Variants in TTC7B observed in about 807,000 individuals in gnomAD.
TTC7B encodes tetratricopeptide repeat protein 7B.
In TTC7B, 28 loss-of-function variants were observed where a neutral mutation model predicts 106.8. That is an observed-to-expected ratio of 0.26 (90% confidence interval 0.19 to 0.36). The LOEUF is 0.36. Ranked by LOEUF, TTC7B falls within the 10% of genes least tolerant of loss-of-function variation. The pLI, the probability that TTC7B is intolerant of heterozygous loss-of-function variation, is 1.00. For missense variants in TTC7B, 862 were observed against 1,076.4 expected (o/e 0.80, Z 2.79); for synonymous variants, 405 against 430.6 (o/e 0.94, Z 0.74).
At chr14:90,574,750 C>A (rs1431429071) in intron 19 of TTC7B, among the ~76,000 whole-genome samples, 1 of 152,248 alleles carries the variant, frequency 6.6e-6, no homozygotes, top group Non-Finnish European at 1.5e-5. Flanking sequence ...CTGACCACCA[C>A]CTGTGACACA....
At chr14:90,741,515 C>T (rs1889764129) in intron 4 of TTC7B, among the ~76,000 whole-genome samples, 1 of 152,170 alleles carries the variant, frequency 6.6e-6, no homozygotes, top group East Asian at 1.9e-4. Flanking sequence ...ACAGGAACAG[C>T]GTGTGTGATT....
chr14:90,572,609 T>C (rs1388060052), intron 19 of TTC7B, among the ~76,000 whole-genome samples: 3 of 152,216 alleles, frequency 2.0e-5, no homozygotes, highest in African/African-American at 7.2e-5. Context: ...CAGAAGATCA[T>C]AGAGGAACTC....
chr14:90,547,327 G>A (rs1298822482), intron 19 of TTC7B, among the ~76,000 whole-genome samples: 5 of 152,222 alleles, frequency 3.3e-5, no homozygotes, highest in African/African-American at 9.6e-5. Flanking sequence ...CATCTTCCTC[G>A]CTTTTGCCTT....
intron 5 of TTC7B, among the ~76,000 whole-genome samples, chr14:90,702,330 T>A (rs924293046): frequency 6.6e-6 from 1 of 152,112 alleles, no homozygotes; most frequent in African/African-American, 2.4e-5. Flanking sequence ...TTGTAAGAAT[T>A]AAACTAGTCA....
chr14:90,744,758 A>C, intron 4 of TTC7B, 34 bp downstream of exon 4: 1 of 1,600,612 alleles, frequency 6.2e-7, no homozygotes, highest in Non-Finnish European at 8.5e-7. Context: ...TGAGGGAAAA[A>C]GTTATCAGGA....
chr14:90,695,056 TTATTTTATTATAAA>T (rs1887668786), intron 6 of TTC7B, among the ~76,000 whole-genome samples: 1 of 119,338 alleles, frequency 8.4e-6, no homozygotes, highest in Admixed American at 9.2e-5. Flanking sequence ...AAAATATATT[TTATTTTATTATAAA>T]ATATATTTTA....
At chr14:90,643,169 G>A (rs1885258107) in intron 15 of TTC7B, among the ~76,000 whole-genome samples, 1 of 152,140 alleles carries the variant, frequency 6.6e-6, no homozygotes, top group Non-Finnish European at 1.5e-5. Flanking sequence ...AGCACTTTGG[G>A]AGACCAAGGA....
At chr14:90,811,735 T>C (rs2030910002) in intron 1 of TTC7B, among the ~76,000 whole-genome samples, 1 of 152,210 alleles carries the variant, frequency 6.6e-6, no homozygotes, top group Non-Finnish European at 1.5e-5. Flanking sequence ...CAAAATCTTA[T>C]AGGATCCGAC....
chr14:90,597,032 T>C (rs1414416751), intron 17 of TTC7B, among the ~76,000 whole-genome samples: 1 of 152,210 alleles, frequency 6.6e-6, no homozygotes, highest in Non-Finnish European at 1.5e-5. Context: ...CAGTGGTGAA[T>C]AGTTCCAATT....
intron 19 of TTC7B, among the ~76,000 whole-genome samples, chr14:90,567,092 A>T (rs1311549924): frequency 6.6e-6 from 1 of 152,186 alleles, no homozygotes; most frequent in African/African-American, 2.4e-5. Flanking sequence ...GCATCCGTGG[A>T]TCTGTGCAGG....
At chr14:90,754,767 A>T (rs112341919) in intron 3 of TTC7B, among the ~76,000 whole-genome samples, 1 of 151,736 alleles carries the variant, frequency 6.6e-6, no homozygotes, top group South Asian at 2.1e-4. Context: ...GGAACCGCCA[A>T]TCTGCTTTCT....
At chr14:90,581,199 C>T (rs550468914) in intron 18 of TTC7B, among the ~76,000 whole-genome samples, 7 of 152,182 alleles carry the variant, frequency 4.6e-5, no homozygotes, top group Admixed American at 6.5e-5. Flanking sequence ...CCTGCAGACA[C>T]AGAAACTCGA....
intron 7 of TTC7B, among the ~76,000 whole-genome samples, chr14:90,683,283 G>A (rs1298904759): frequency 6.6e-5 from 10 of 152,114 alleles, no homozygotes; most frequent in Admixed American, 5.9e-4. Flanking sequence ...CTAAGGTCTA[G>A]TAATGGTTCC....
At chr14:90,580,466 G>A (rs1891442772) in intron 18 of TTC7B, among the ~76,000 whole-genome samples, 1 of 152,216 alleles carries the variant, frequency 6.6e-6, no homozygotes, top group East Asian at 1.9e-4. Flanking sequence ...CTGGCTGGGA[G>A]CCTGTGCTTG....
At chr14:90,716,288 G>A (rs1234466000) in intron 5 of TTC7B, among the ~76,000 whole-genome samples, 1 of 152,256 alleles carries the variant, frequency 6.6e-6, no homozygotes. Flanking sequence ...ACTGGGGGAT[G>A]GTAGTGGCTG....
chr14:90,748,043 C>T (rs376096584), intron 3 of TTC7B, among the ~76,000 whole-genome samples: 6 of 152,036 alleles, frequency 3.9e-5, no homozygotes, highest in Non-Finnish European at 8.8e-5. Flanking sequence ...TTCTTGTAGA[C>T]AACAGAGTTG....
At chr14:90,545,961 C>G (rs1889812253) in intron 19 of TTC7B, among the ~76,000 whole-genome samples, 1 of 152,230 alleles carries the variant, frequency 6.6e-6, no homozygotes, top group Admixed American at 6.5e-5. Flanking sequence ...TTGAAGCTTC[C>G]TGAGCAATCT....
chr14:90,816,344 C>G lies in TTC7B; in HGVS notation c.-49G>C. 1.1e-6 allele frequency: 1 copy of G among 939,834 alleles called. No individual in the cohort carries two copies. Among genetic ancestry groups the G allele is most frequent in the Non-Finnish European group, 1.3e-6 (1 of 791,592 alleles). The allele number at this position is 939,834 out of a possible 1,614,324, so 58.2% of individuals were successfully genotyped here. The stretch of plus-strand genomic sequence containing the variant: ...CCCGCCCCGCAGGCCCCACCGCCGC[C>G]GCCGCGGCGCCCCCTCGCCGCCTCC... On this transcript the variant is annotated 5_prime_UTR_variant, in exon 1 of 20. Transcript: ENST00000328459.
chr14:90,536,869 C>T lies in TTC7B; in HGVS notation c.*4499G>A, dbSNP rs187643087. 9 of 152,432 alleles carry T rather than the reference C, an allele frequency of 5.9e-5. No individual in the cohort carries two copies. In the East Asian group the frequency reaches 1.2e-3, roughly 20 times the overall value. The allele number at this position is 152,432 out of a possible 1,614,324, so 9.4% of individuals were successfully genotyped here. A position where few individuals can be genotyped will look rare whatever the true frequency, so the allele number is the denominator to read the frequency against. On this transcript the variant is annotated 3_prime_UTR_variant, in exon 20 of 20. Coordinates refer to ENST00000328459, the MANE Select transcript of TTC7B (RefSeq NM_001010854.2). ...ATGGAGCGATGCAGATGTGATTGAA[C>T]GAAGGCTCTCGAGGTGGGGCAATGG...
Sources: gnomAD v4.1 joint callset for allele counts (sites outside exome capture counted in the v4.1 genomes callset) on GRCh38, gnomAD v4.1.1 for gene constraint, MANE v1.5 for transcripts, NCBI Gene and HGNC (gene_info 2026-07-23, HGNC 2026-07-21) for gene names.